The following SPMAP2L variants were observed in gnomAD, a reference collection of about 807,000 sequenced individuals.
The protein encoded by SPMAP2L is sperm microtubule associated protein 2 like.
At chr4:56,586,145 A>C in the SPMAP2L span, among the ~76,000 whole-genome samples, 1 of 152,304 alleles carries the variant, frequency 6.6e-6, no homozygotes, top group East Asian at 1.9e-4. Context: ...GGCTGGAATC[A>C]TCTGGAGGCT....
the SPMAP2L span, among the ~76,000 whole-genome samples, chr4:56,587,653 C>T: frequency 3.0e-3 from 461 of 152,282 alleles, 4 homozygotes; most frequent in African/African-American, 0.01. Flanking sequence ...TTAATTCATT[C>T]CTTTTTATGG....
chr4:56,566,854 G>A, the SPMAP2L span, among the ~76,000 whole-genome samples: 9 of 151,532 alleles, frequency 5.9e-5, no homozygotes, highest in Non-Finnish European at 1.3e-4. Context: ...GCGCAACCAC[G>A]TCCAGCTAAT....
the SPMAP2L span, among the ~76,000 whole-genome samples, chr4:56,588,864 C>G: frequency 4.6e-5 from 7 of 152,210 alleles, no homozygotes; most frequent in Non-Finnish European, 1.5e-5. Flanking sequence ...ATCCCAGCAC[C>G]ATTTGTTGAA....
chr4:56,568,036 C>T, the SPMAP2L span, among the ~76,000 whole-genome samples: 2 of 152,102 alleles, frequency 1.3e-5, no homozygotes, highest in Non-Finnish European at 2.9e-5. Context: ...TGTTTTATTT[C>T]TCTCTATGTC....
At chr4:56,594,763 C>T in the SPMAP2L span, 1 of 1,503,048 alleles carries the variant, frequency 6.7e-7, no homozygotes, top group African/African-American at 1.4e-5. Context: ...ACCCATCCAC[C>T]AATGGGGTGT....
chr4:56,535,291 A>G, the SPMAP2L span, among the ~76,000 whole-genome samples: 1 of 152,212 alleles, frequency 6.6e-6, no homozygotes, highest in African/African-American at 2.4e-5. Context: ...AGAAAGAAGT[A>G]AAAACTAAAA....
chr4:56,538,486 C>T, the SPMAP2L span, among the ~76,000 whole-genome samples: 1 of 152,192 alleles, frequency 6.6e-6, no homozygotes, highest in Non-Finnish European at 1.5e-5. Flanking sequence ...GAGACTTTCT[C>T]TAAAAAGTTT....
the SPMAP2L span, among the ~76,000 whole-genome samples, chr4:56,563,172 A>C: frequency 1.5e-5 from 2 of 136,750 alleles, no homozygotes; most frequent in Non-Finnish European, 3.0e-5. Flanking sequence ...GGCTCACTGC[A>C]ACCTCTTCCT....
the SPMAP2L span, among the ~76,000 whole-genome samples, chr4:56,607,603 G>A: frequency 3.3e-5 from 5 of 152,266 alleles, no homozygotes; most frequent in Middle Eastern, 3.4e-3. Flanking sequence ...CATTAAGGGC[G>A]ATTTCTGGTG....
At chr4:56,625,343 T>C in the SPMAP2L span, among the ~76,000 whole-genome samples, 5 of 152,182 alleles carry the variant, frequency 3.3e-5, no homozygotes, top group Non-Finnish European at 7.3e-5. Context: ...CTTTGTACTG[T>C]GCACTTTGGG....
chr4:56,602,410 A>G, the SPMAP2L span, among the ~76,000 whole-genome samples: 13 of 152,168 alleles, frequency 8.5e-5, no homozygotes, highest in Admixed American at 3.9e-4. Flanking sequence ...TAAAGAGAAG[A>G]GGCTGGATGC....
chr4:56,596,901 G>C, the SPMAP2L span, among the ~76,000 whole-genome samples: 1 of 152,216 alleles, frequency 6.6e-6, no homozygotes, highest in African/African-American at 2.4e-5. Context: ...AACTTCCTGA[G>C]CTTTATTCAT....
chr4:56,562,661 A>G, the SPMAP2L span, among the ~76,000 whole-genome samples: 1 of 152,084 alleles, frequency 6.6e-6, no homozygotes, highest in Non-Finnish European at 1.5e-5. Flanking sequence ...ATTATTTTAG[A>G]CTTTTCCCTT....
At chr4:56,593,254 G>A in the SPMAP2L span, 35 of 1,264,106 alleles carry the variant, frequency 2.8e-5, no homozygotes, top group Non-Finnish European at 3.6e-5. Flanking sequence ...TGCTGGATGA[G>A]GGACTGCGGC....
chr4:56,602,693 T>C, the SPMAP2L span, among the ~76,000 whole-genome samples: 1 of 152,028 alleles, frequency 6.6e-6, no homozygotes, highest in Non-Finnish European at 1.5e-5. Flanking sequence ...AAACCCTGTC[T>C]CAAAAAAATA....
At chr4:56,557,362 G>A in the SPMAP2L span, among the ~76,000 whole-genome samples, 7 of 152,100 alleles carry the variant, frequency 4.6e-5, no homozygotes, top group Non-Finnish European at 1.0e-4. Context: ...AAAGGCCAGC[G>A]AAGAAAATTA....
chr4:56,536,178 C>T, the SPMAP2L span, among the ~76,000 whole-genome samples: 1 of 152,196 alleles, frequency 6.6e-6, no homozygotes, highest in East Asian at 1.9e-4. Flanking sequence ...GGTTGGGAAC[C>T]CCTGCTCTAA....
chr4:56,613,676 G>A, the SPMAP2L span, among the ~76,000 whole-genome samples: 1 of 152,200 alleles, frequency 6.6e-6, no homozygotes, highest in Non-Finnish European at 1.5e-5. Flanking sequence ...CATGGCCTGA[G>A]TCAGGCAGCC....
the SPMAP2L span, among the ~76,000 whole-genome samples, chr4:56,572,527 T>G: frequency 1.8e-3 from 273 of 152,304 alleles, no homozygotes; most frequent in Admixed American, 3.6e-3. Flanking sequence ...TGGTGCTCAA[T>G]ACGTATTTTT....
Sources: gnomAD v4.1 joint callset for allele counts (sites outside exome capture counted in the v4.1 genomes callset) on GRCh38, gnomAD v4.1.1 for gene constraint, MANE v1.5 for transcripts, NCBI Gene and HGNC (gene_info 2026-07-23, HGNC 2026-07-21) for gene names.